Variants in YAP1 observed in about 807,000 individuals in gnomAD.
YAP1 encodes Yes1 associated transcriptional regulator.
In YAP1, 5 loss-of-function variants were observed where a neutral mutation model predicts 56.9. The ratio of observed to expected loss-of-function variants is 0.09; its 90% CI spans 0.05 to 0.18. YAP1 has a LOEUF of 0.18. YAP1 is among the 10% of genes least tolerant of loss of function. The pLI is 1.00. For synonymous variants in YAP1, 265 were observed against 248.1 expected (o/e 1.07, Z -0.64); for missense variants, 539 against 651.8 (o/e 0.83, Z 1.88).
intron 3 of YAP1, among the ~76,000 whole-genome samples, chr11:102,182,975 C>T (rs1485782751): frequency 6.6e-6 from 1 of 152,170 alleles, no homozygotes; most frequent in African/African-American, 2.4e-5. Context: ...AAAGGCAAGA[C>T]ATTGATTCTT....
chr11:102,188,968 A>G (rs1479834811), intron 4 of YAP1, among the ~76,000 whole-genome samples: 1 of 152,166 alleles, frequency 6.6e-6, no homozygotes, highest in Non-Finnish European at 1.5e-5. Context: ...TTTTAATTTT[A>G]GAGAATTCAT....
At chr11:102,123,626 T>C (rs558405772) in intron 2 of YAP1, among the ~76,000 whole-genome samples, 23 of 123,672 alleles carry the variant, frequency 1.9e-4, no homozygotes, top group African/African-American at 6.2e-4. Context: ...TACTCCGTTT[T>C]CTTTTCTTTT....
chr11:102,110,454 G>C lies in YAP1; in HGVS notation c.-395G>C, dbSNP rs1258784966. On this transcript the variant is annotated 5_prime_UTR_variant, in exon 1 of 9. Coordinates refer to ENST00000282441, the MANE Select transcript of YAP1 (RefSeq NM_001130145.3). ...TTTGAGGCGAGTTTCTGTCTCAGTC[G>C]GGCGCAGCCGCCGCCAGGGAAAAGA... The C allele has an allele frequency of 1.3e-5, 2 of 153,982 alleles. No individual in the cohort carries two copies. Among genetic ancestry groups the C allele is most frequent in the African/African-American group, 4.8e-5 (2 of 41,490 alleles). The allele number at this position is 153,982 out of a possible 1,614,324, so 9.5% of individuals were successfully genotyped here.
At chr11:102,157,477 A>G (rs550603833) in intron 2 of YAP1, among the ~76,000 whole-genome samples, 25 of 152,302 alleles carry the variant, frequency 1.6e-4, no homozygotes, top group African/African-American at 6.0e-4. Context: ...CTGACTGCCC[A>G]CTCCCAGTAC....
intron 4 of YAP1, among the ~76,000 whole-genome samples, chr11:102,203,332 A>G (rs1460406990): frequency 6.6e-6 from 1 of 152,252 alleles, no homozygotes; most frequent in Non-Finnish European, 1.5e-5. Context: ...TGAACAAGCC[A>G]ATTGTAAAAA....
chr11:102,168,443 G>A (rs1032648927), intron 3 of YAP1, among the ~76,000 whole-genome samples: 19 of 149,010 alleles, frequency 1.3e-4, no homozygotes, highest in African/African-American at 4.9e-4. Flanking sequence ...ACAACCCAAA[G>A]CCTAAATGTC....
At chr11:102,213,922 G>A (rs1053227123) in intron 6 of YAP1, among the ~76,000 whole-genome samples, 1 of 152,032 alleles carries the variant, frequency 6.6e-6, no homozygotes, top group African/African-American at 2.4e-5. Context: ...TACTAAAAAC[G>A]GAAAAATTAG....
chr11:102,167,593 C>A (rs1946680180), intron 3 of YAP1, among the ~76,000 whole-genome samples: 1 of 152,054 alleles, frequency 6.6e-6, no homozygotes, highest in Non-Finnish European at 1.5e-5. Flanking sequence ...ATTAGCTGAG[C>A]ATTGGTGGTG....
chr11:102,141,419 C>T (rs1020281835), intron 2 of YAP1, among the ~76,000 whole-genome samples: 5 of 152,196 alleles, frequency 3.3e-5, no homozygotes, highest in African/African-American at 1.2e-4. Context: ...GCAATGCAGT[C>T]CCTGTCCTCG....
intron 6 of YAP1, among the ~76,000 whole-genome samples, chr11:102,211,542 G>T (rs1231978545): frequency 6.6e-6 from 1 of 152,150 alleles, no homozygotes; most frequent in African/African-American, 2.4e-5. Context: ...AAAGTTATCA[G>T]TAAATGTATG....
chr11:102,121,489 C>T (rs914990519), intron 2 of YAP1, among the ~76,000 whole-genome samples: 5 of 151,628 alleles, frequency 3.3e-5, no homozygotes, highest in African/African-American at 1.2e-4. Context: ...TTTTAAATTG[C>T]AGTGTTCTGA....
At chr11:102,221,175 C>G (rs567896453) in intron 6 of YAP1, among the ~76,000 whole-genome samples, 8 of 152,254 alleles carry the variant, frequency 5.3e-5, no homozygotes, top group Admixed American at 2.0e-4. Flanking sequence ...TTTGACCAGA[C>G]TCCAGAATTT....
chr11:102,114,073 G>T, intron 1 of YAP1, 71 bp from the exon 2 acceptor site: 1 of 1,485,166 alleles, frequency 6.7e-7, no homozygotes, highest in South Asian at 1.4e-5. Flanking sequence ...ATTAAGCGCT[G>T]ACTGGGAAAT....
In YAP1 at chr11:102,229,945, C is replaced by T. The variant is rs746816956; in HGVS notation, c.*5C>T. 21 of 1,609,760 alleles carry T rather than the reference C, an allele frequency of 1.3e-5. No homozygotes were observed. Among genetic ancestry groups the T allele is most frequent in the Non-Finnish European group, 1.8e-5 (21 of 1,176,228 alleles). On this transcript the variant is annotated 3_prime_UTR_variant, in exon 9 of 9. Coordinates refer to ENST00000282441, the MANE Select transcript of YAP1 (RefSeq NM_001130145.3). ...AGCTTTCTTACATGGTTATAGAGCC[C>T]TCAGGCAGACTGAATTCTAAATCTG...
chr11:102,130,015 A>C, intron 2 of YAP1, among the ~76,000 whole-genome samples: 1 of 151,880 alleles, frequency 6.6e-6, no homozygotes, highest in East Asian at 2.0e-4. Flanking sequence ...GACCTCAAGT[A>C]ATCCACCTGC....
intron 8 of YAP1, among the ~76,000 whole-genome samples, chr11:102,228,142 T>C (rs537892449): frequency 7.9e-5 from 12 of 152,308 alleles, no homozygotes; most frequent in African/African-American, 1.4e-4. Flanking sequence ...TTGATCTTAA[T>C]TGGCAGGACA....
chr11:102,185,036 A>G (rs1947871494), intron 3 of YAP1, among the ~76,000 whole-genome samples: 1 of 152,226 alleles, frequency 6.6e-6, no homozygotes, highest in Non-Finnish European at 1.5e-5. Context: ...GACTAGCACA[A>G]GATAAGTGTT....
chr11:102,128,107 T>A (rs979367538), intron 2 of YAP1, among the ~76,000 whole-genome samples: 1 of 152,146 alleles, frequency 6.6e-6, no homozygotes, highest in Non-Finnish European at 1.5e-5. Context: ...CTGTGGACTT[T>A]TGGGTTAATG....
At chr11:102,177,064 G>A (rs1458235057) in intron 3 of YAP1, among the ~76,000 whole-genome samples, 1 of 152,160 alleles carries the variant, frequency 6.6e-6, no homozygotes, top group Non-Finnish European at 1.5e-5. Context: ...AGTTAGCTAA[G>A]CAAAGAAGGT....
Sources: allele counts gnomAD v4.1 joint callset (sites outside exome capture counted in the v4.1 genomes callset), GRCh38; gene constraint gnomAD v4.1.1; transcripts MANE v1.5; gene names NCBI Gene and HGNC (gene_info 2026-07-23, HGNC 2026-07-21).